Variants in MKX observed in about 807,000 individuals in gnomAD.
MKX encodes the protein mohawk homeobox, also known as homeobox protein Mohawk.
Under a neutral mutation model 36.0 loss-of-function variants are expected in MKX, and 13 were observed. The observed-to-expected ratio is 0.36, with a 90% CI of 0.24 to 0.57. The LOEUF (loss-of-function observed/expected upper bound fraction) is 0.57, where lower values mean the gene tolerates loss of function less well. Among genes scored for constraint, MKX ranks in the 20% least tolerant of loss-of-function variants. MKX has a pLI of 0.79. For synonymous variants in MKX, 176 were observed against 178.3 expected (o/e 0.99, Z 0.10); for missense variants, 458 against 456.4 (o/e 1.00, Z -0.03).
chr10:27,740,433 T>C (rs1344464059), intron 3 of MKX, among the ~76,000 whole-genome samples: 2 of 152,238 alleles, frequency 1.3e-5, no homozygotes. Flanking sequence ...AATTGTGACA[T>C]GACGGGAAGA....
intron 5 of MKX, among the ~76,000 whole-genome samples, chr10:27,711,305 T>C (rs1836845955): frequency 1.3e-5 from 2 of 152,224 alleles, no homozygotes; most frequent in South Asian, 4.1e-4. Context: ...AAAACATTTC[T>C]TTCCTAAAAG....
chr10:27,688,723 C>T (rs1836401593), intron 5 of MKX, among the ~76,000 whole-genome samples: 1 of 152,198 alleles, frequency 6.6e-6, no homozygotes, highest in Non-Finnish European at 1.5e-5. Context: ...AACCTAAATG[C>T]ATTTATAGTG....
At chr10:27,694,692 C>T (rs1410072024) in intron 5 of MKX, among the ~76,000 whole-genome samples, 3 of 50,048 alleles carry the variant, frequency 6.0e-5, no homozygotes, top group Non-Finnish European at 1.3e-4. Flanking sequence ...GAGACTCTGT[C>T]TCAAAAAAAA....
At chr10:27,731,133 CAAAA>C (rs752968438) in intron 5 of MKX, among the ~76,000 whole-genome samples, 1 of 68,740 alleles carries the variant, frequency 1.5e-5, no homozygotes, top group Non-Finnish European at 3.0e-5. Context: ...GACTCCATCT[CAAAA>C]AAAAAAAAAA....
Position 27,742,469 on chromosome 10 carries a change from C to G in MKX, c.188+759G>C, listed in dbSNP as rs1178724086. Among the ~76,000 whole-genome samples the G allele has an allele frequency of 1.3e-5, 2 of 152,148 alleles. No individual in the cohort carries two copies. The highest frequency in any genetic ancestry group is 4.8e-5 in the African/African-American group (2 of 41,450). Reference sequence around the variant, plus strand: ...TTTACTAAGCAGCGACGCCGCAGAACAAGCAGCTGATGCAATCGTTCAGGT... The same window carrying G: ...TTTACTAAGCAGCGACGCCGCAGAAGAAGCAGCTGATGCAATCGTTCAGGT... On this transcript the variant is annotated intron_variant, in intron 2 of 6. Coordinates refer to ENST00000419761, the MANE Select transcript of MKX (RefSeq NM_173576.3). This position sits in a 1 kb window ranked among gnomAD's most constrained non-coding sequence, Gnocchi z 4.2.
intron 5 of MKX, among the ~76,000 whole-genome samples, chr10:27,696,721 T>G (rs1836561175): frequency 6.6e-6 from 1 of 152,124 alleles, no homozygotes; most frequent in South Asian, 2.1e-4. Context: ...GCTAGTCTTC[T>G]GCTGTTCTCT....
chr10:27,737,812 T>G (rs1326687161), intron 3 of MKX, among the ~76,000 whole-genome samples: 2 of 152,086 alleles, frequency 1.3e-5, no homozygotes, highest in African/African-American at 4.8e-5. Flanking sequence ...ACCTTAAATC[T>G]TAACTAACCT....
At chr10:27,708,026 G>A (rs973582845) in intron 5 of MKX, among the ~76,000 whole-genome samples, 46 of 152,188 alleles carry the variant, frequency 3.0e-4, no homozygotes, top group African/African-American at 1.0e-3. Flanking sequence ...GTGGGAGATG[G>A]TAACCTTTAT....
chr10:27,729,748 A>C (rs980769394), intron 5 of MKX, among the ~76,000 whole-genome samples: 1 of 152,192 alleles, frequency 6.6e-6, no homozygotes, highest in Non-Finnish European at 1.5e-5. Context: ...CTTTCTTAGA[A>C]TCCTCTTTCC....
chr10:27,740,503 G>A (rs1390375462), intron 3 of MKX, among the ~76,000 whole-genome samples: 1 of 152,092 alleles, frequency 6.6e-6, no homozygotes, highest in African/African-American at 2.4e-5. Flanking sequence ...ACTGCCCCAA[G>A]TCTTGATTAT....
chr10:27,704,384 G>A (rs1182130116), intron 5 of MKX, among the ~76,000 whole-genome samples: 2 of 152,088 alleles, frequency 1.3e-5, no homozygotes, highest in Non-Finnish European at 2.9e-5. Flanking sequence ...TAGAAAAACT[G>A]TGAAAAAAGA....
At chr10:27,682,994 A>G (rs1836282617) in intron 5 of MKX, among the ~76,000 whole-genome samples, 1 of 149,436 alleles carries the variant, frequency 6.7e-6, no homozygotes, top group South Asian at 2.1e-4. Flanking sequence ...GAAAAAAAAA[A>G]AAGAAAAGAA....
intron 5 of MKX, among the ~76,000 whole-genome samples, chr10:27,728,005 A>G (rs796316754): frequency 2.1e-4 from 32 of 152,308 alleles, no homozygotes; most frequent in African/African-American, 7.7e-4. Flanking sequence ...TAGGTAAGGT[A>G]CAAGACAAGG....
intron 5 of MKX, among the ~76,000 whole-genome samples, chr10:27,694,462 C>T (rs1365294002): frequency 6.7e-6 from 1 of 148,244 alleles, no homozygotes; most frequent in Non-Finnish European, 1.5e-5. Flanking sequence ...AGGCGGATCA[C>T]GAGGTCAGGA....
chr10:27,696,100 C>A (rs1836549074), intron 5 of MKX, among the ~76,000 whole-genome samples: 1 of 152,142 alleles, frequency 6.6e-6, no homozygotes, highest in Non-Finnish European at 1.5e-5. Flanking sequence ...TCAGTACAAA[C>A]TTAACCACAC....
chr10:27,739,796 CAT>C (rs1200586533), intron 3 of MKX, among the ~76,000 whole-genome samples: 1 of 152,118 alleles, frequency 6.6e-6, no homozygotes, highest in Non-Finnish European at 1.5e-5. Flanking sequence ...TCATTGCTGA[CAT>C]CACTGTGAAA....
chr10:27,726,533 G>A (rs190868874), intron 5 of MKX, among the ~76,000 whole-genome samples: 11 of 151,852 alleles, frequency 7.2e-5, no homozygotes, highest in East Asian at 5.8e-4. Flanking sequence ...TTTGTCTATC[G>A]GCTGTGCTTT....
chr10:27,735,512 C>T (rs1373521493), intron 3 of MKX, 138 bp from the exon 4 acceptor site: 1 of 598,226 alleles, frequency 1.7e-6, no homozygotes, highest in Non-Finnish European at 2.8e-6. Context: ...ACCGGACATT[C>T]GCATCCATTC....
At chr10:27,684,475 T>C (rs987359944) in intron 5 of MKX, among the ~76,000 whole-genome samples, 2 of 152,162 alleles carry the variant, frequency 1.3e-5, no homozygotes, top group Non-Finnish European at 1.5e-5. Context: ...ATAACTAATA[T>C]TAACATTTGA....
Sources: allele counts gnomAD v4.1 joint callset (sites outside exome capture counted in the v4.1 genomes callset), GRCh38; gene constraint gnomAD v4.1.1; non-coding constraint Gnocchi (gnomAD v3.1); transcripts MANE v1.5; gene names NCBI Gene and HGNC (gene_info 2026-07-23, HGNC 2026-07-21).